The following SLC25A48 variants were observed in gnomAD, a reference collection of about 807,000 sequenced individuals.
SLC25A48 encodes the protein solute carrier family 25 member 48, also known as CTC-321K16.1.
SLC25A48 carries 29 observed loss-of-function variants against 32.2 expected under a neutral mutation model. That is an observed-to-expected ratio of 0.90 (90% CI 0.67 to 1.23). SLC25A48 has a LOEUF of 1.23. Among genes scored for constraint, SLC25A48 ranks in the 50% most tolerant of loss-of-function variants. The probability of loss-of-function intolerance (pLI) is 0.00; values close to 1 mark genes in which losing one functional copy is unlikely to be tolerated. For synonymous variants in SLC25A48, 164 were observed against 172.3 expected (o/e 0.95, Z 0.38); for missense variants, 399 against 422.7 (o/e 0.94, Z 0.49).
intron 4 of SLC25A48, among the ~76,000 whole-genome samples, chr5:135,855,702 A>T (rs986965361): frequency 3.9e-5 from 6 of 152,358 alleles, no homozygotes; most frequent in African/African-American, 1.4e-4. Context: ...GTGTGAACAC[A>T]CTGGTCTCAT....
rs750060904 is a variant in SLC25A48 at position 135,874,003 on chromosome 5, G to T, written c.680-18G>T. On this transcript the variant is annotated intron_variant, in intron 5 of 7. Transcript: ENST00000681962. Reference sequence around the variant, plus strand: ...CCTAAGGAGCTAGCCCCTGACACCTGTTTCTTTCTCTTTGCAGGAGCAATT... The same window carrying T: ...CCTAAGGAGCTAGCCCCTGACACCTTTTTCTTTCTCTTTGCAGGAGCAATT... The T allele has an allele frequency of 2.6e-6, 4 of 1,528,334 alleles. No homozygotes were observed. The South Asian group carries it at 4.8e-5, about 18-fold the overall frequency. The allele number at this position is 1,528,334 out of a possible 1,614,324, so 94.7% of individuals were successfully genotyped here.
At chr5:135,758,955 G>T in intron 3 of SLC25A48, among the ~76,000 whole-genome samples, 1 of 150,976 alleles carries the variant, frequency 6.6e-6, no homozygotes, top group East Asian at 2.0e-4. Context: ...GAATATTTAT[G>T]CTATAAATAA....
intron 3 of SLC25A48, among the ~76,000 whole-genome samples, chr5:135,696,731 T>G (rs1247289332): frequency 6.6e-6 from 1 of 152,186 alleles, no homozygotes; most frequent in Non-Finnish European, 1.5e-5. Flanking sequence ...TCATTCCCTG[T>G]ACACCTGCGG....
At chr5:135,805,939 C>A (rs1278064207) in intron 3 of SLC25A48, among the ~76,000 whole-genome samples, 1 of 151,590 alleles carries the variant, frequency 6.6e-6, no homozygotes, top group African/African-American at 2.4e-5. Flanking sequence ...TGGGTGCACA[C>A]CCTGTGTGTA....
chr5:135,879,480 C>T (rs1038867912), intron 6 of SLC25A48, among the ~76,000 whole-genome samples: 1 of 152,008 alleles, frequency 6.6e-6, no homozygotes, highest in African/African-American at 2.4e-5. Context: ...AAGCACAGCT[C>T]GAGTTCTGTT....
chr5:135,637,867 T>A (rs1022368494), intron 3 of SLC25A48, among the ~76,000 whole-genome samples: 3 of 152,208 alleles, frequency 2.0e-5, no homozygotes, highest in African/African-American at 7.2e-5. Context: ...GTTGTTGTTG[T>A]TGTTGTAGCT....
intron 1 of SLC25A48, among the ~76,000 whole-genome samples, chr5:135,617,807 T>C (rs1017395226): frequency 4.6e-5 from 7 of 152,012 alleles, no homozygotes; most frequent in African/African-American, 1.7e-4. Flanking sequence ...TCTGAAAAGA[T>C]ACTTGATATG....
At chr5:135,774,163 G>A (rs1037849835) in intron 3 of SLC25A48, among the ~76,000 whole-genome samples, 1 of 151,656 alleles carries the variant, frequency 6.6e-6, no homozygotes, top group Non-Finnish European at 1.5e-5. Flanking sequence ...TAATATCCAG[G>A]GAAGGAGATA....
intron 3 of SLC25A48, among the ~76,000 whole-genome samples, chr5:135,712,452 C>T (rs1409629280): frequency 6.6e-6 from 1 of 152,152 alleles, no homozygotes; most frequent in Non-Finnish European, 1.5e-5. Flanking sequence ...TTACAGTAGA[C>T]ACTTTGGAGA....
At chr5:135,844,233 A>G (rs931562050) in intron 2 of SLC25A48, among the ~76,000 whole-genome samples, 18 of 152,162 alleles carry the variant, frequency 1.2e-4, no homozygotes, top group Non-Finnish European at 2.5e-4. Context: ...CTGGGTGAGT[A>G]CCTGCTGAAT....
intron 1 of SLC25A48, among the ~76,000 whole-genome samples, chr5:135,627,757 G>GT (rs5871569): frequency 1 from 152,242 of 152,242 alleles, 76,121 homozygotes; most frequent in Non-Finnish European, 1. Context: ...TGCATATACA[G>GT]GTATTTTAGT....
chr5:135,681,060 A>G (rs1387139221), intron 3 of SLC25A48, among the ~76,000 whole-genome samples: 2 of 152,008 alleles, frequency 1.3e-5, no homozygotes, highest in African/African-American at 4.8e-5. Context: ...ATCTTGGCTC[A>G]CCGCAACCTC....
At chr5:135,714,687 C>T (rs1459852517) in intron 3 of SLC25A48, 1 of 152,260 alleles carries the variant, frequency 6.6e-6, no homozygotes, top group African/African-American at 2.4e-5. Context: ...TCCAGGCACT[C>T]TTCTAAATGC....
chr5:135,782,449 C>T lies in SLC25A48; in HGVS notation c.-520-30074C>T, dbSNP rs1364306969. 1.7e-5 allele frequency among the ~76,000 whole-genome samples: 2 copies of T among 116,212 alleles called. 1 individual carries two copies. The highest frequency in any genetic ancestry group is 4.2e-5 in the Non-Finnish European group (2 of 47,158). 76.2% of individuals were successfully genotyped at this position (116,212 alleles called of 152,430 possible). A position where few individuals can be genotyped will look rare whatever the true frequency, so the allele number is the denominator to read the frequency against. On this transcript the variant is annotated intron_variant, in intron 3 of 10. Coordinates refer to the SLC25A48 transcript ENST00000646290. ...CTTCTGTGATATTGTTTCAGATATC[C>T]GAGCAGGGGGAAGGTGATATTACTC...
intron 6 of SLC25A48, chr5:135,875,911 C>T (rs961989333): frequency 6.6e-6 from 1 of 152,174 alleles, no homozygotes; most frequent in African/African-American, 2.4e-5. Flanking sequence ...GATATCATAG[C>T]ATGTGAGGAG....
At chr5:135,642,009 G>C (rs1449462668) in intron 3 of SLC25A48, among the ~76,000 whole-genome samples, 1 of 152,222 alleles carries the variant, frequency 6.6e-6, no homozygotes, top group African/African-American at 2.4e-5. Context: ...AACATAGCTT[G>C]TCTTTTCTAA....
rs117056790 is a variant in SLC25A48, at chr5:135,809,259, A to G, written c.-520-3264A>G. Reference sequence around the variant, plus strand: ...GGCTGCAGGAAGCTATGATCATGCCACTACACTCCAGCCTGGGCAATAGAG... The same window carrying G: ...GGCTGCAGGAAGCTATGATCATGCCGCTACACTCCAGCCTGGGCAATAGAG... On this transcript the variant is annotated intron_variant, in intron 3 of 10. Transcript: ENST00000646290. Among the ~76,000 whole-genome samples the G allele has an allele frequency of 2.1e-3, 314 of 152,284 alleles. 11 individuals carry two copies. In the East Asian group the frequency reaches 0.054, roughly 26 times the overall value.
rs574986304 is a variant in SLC25A48, at chr5:135,601,330, T to C, written c.-849+21733T>C. Reference sequence around the variant, plus strand: ...CACTTTGCATACTGTTTTGTGCACATGTGAGAGGTTGCCACTGCTGAGGGC... The same window carrying C: ...CACTTTGCATACTGTTTTGTGCACACGTGAGAGGTTGCCACTGCTGAGGGC... On this transcript the variant is annotated intron_variant, in intron 1 of 10. Coordinates refer to the SLC25A48 transcript ENST00000646290. 3.9e-5 allele frequency: 6 copies of C among 152,460 alleles called. No individual in the cohort carries two copies. In the East Asian group the frequency reaches 1.2e-3, roughly 29 times the overall value. The allele number at this position is 152,460 out of a possible 1,614,324, so 9.4% of individuals were successfully genotyped here.
chr5:135,586,305 G>A (rs1421501754), intron 1 of SLC25A48, among the ~76,000 whole-genome samples: 1 of 152,170 alleles, frequency 6.6e-6, no homozygotes, highest in African/African-American at 2.4e-5. Context: ...TCTCCCTGGA[G>A]GGCATCCCAG....
Sources: allele counts gnomAD v4.1 joint callset (sites outside exome capture counted in the v4.1 genomes callset), GRCh38; gene constraint gnomAD v4.1.1; transcripts MANE v1.5; gene names NCBI Gene and HGNC (gene_info 2026-07-23, HGNC 2026-07-21).